Variants in HADHB observed in about 807,000 individuals in gnomAD.
The protein encoded by HADHB is hydroxyacyl-CoA dehydrogenase trifunctional multienzyme complex subunit beta.
A neutral mutation model predicts 61.9 loss-of-function variants in HADHB; 50 were observed. The observed-to-expected ratio is 0.81, with a 90% CI of 0.64 to 1.02. The LOEUF (loss-of-function observed/expected upper bound fraction) is 1.02. Among genes scored for constraint, HADHB ranks in the 50% least tolerant of loss-of-function variants. HADHB has a pLI of 0.00. For synonymous variants in HADHB, 191 were observed against 201.6 expected (o/e 0.95, Z 0.45); for missense variants, 504 against 586.5 (o/e 0.86, Z 1.45).
At chr2:26,268,192 A>G (rs765978122) in intron 4 of HADHB, among the ~76,000 whole-genome samples, 1 of 150,708 alleles carries the variant, frequency 6.6e-6, no homozygotes, top group Non-Finnish European at 1.5e-5. Flanking sequence ...AGAATACCAC[A>G]TAATACTTGC....
At chr2:26,269,861 T>C in intron 4 of HADHB, 92 bp from the exon 5 acceptor site, 1 of 827,090 alleles carries the variant, frequency 1.2e-6, no homozygotes, top group South Asian at 1.3e-5. Context: ...TAGCAGCATG[T>C]GTTTGATGAT....
At chr2:26,283,763 G>T (rs971305488) in intron 12 of HADHB, among the ~76,000 whole-genome samples, 1 of 152,176 alleles carries the variant, frequency 6.6e-6, no homozygotes, top group Non-Finnish European at 1.5e-5. Context: ...ACTCTGTTCC[G>T]TTCCCTCACA....
At chr2:26,245,486 A>G (rs966993214) in intron 1 of HADHB, 7 of 150,792 alleles carry the variant, frequency 4.6e-5, no homozygotes, top group South Asian at 2.1e-4. Flanking sequence ...AACGGAGACA[A>G]TCCTCCATCC....
chr2:26,267,569 C>T (rs1052702761), intron 4 of HADHB, among the ~76,000 whole-genome samples: 3 of 151,946 alleles, frequency 2.0e-5, no homozygotes, highest in South Asian at 2.1e-4. Flanking sequence ...GTCAGGAGTT[C>T]GAGACCAGCC....
rs192854755 is a variant in HADHB at position 26,285,575 on chromosome 2, C to G, written c.1389+4C>G. Reference sequence around the variant, plus strand: ...TGCGTGTGCAGCTGGAGGGCAGGTACGTTACAGTGGTGTCATAGGACCCTC... The same window carrying G: ...TGCGTGTGCAGCTGGAGGGCAGGTAGGTTACAGTGGTGTCATAGGACCCTC... On this transcript the variant is annotated splice_donor_region_variant and intron_variant, in intron 15 of 15. Coordinates refer to ENST00000317799, the MANE Select transcript of HADHB (RefSeq NM_000183.3). The G allele has an allele frequency of 1.9e-6, 3 of 1,609,892 alleles. No individual in the cohort carries two copies. The highest frequency in any genetic ancestry group is 1.7e-4 in the Middle Eastern group (1 of 6,054).
chr2:26,284,545 C>T (rs1672941319), intron 13 of HADHB, among the ~76,000 whole-genome samples: 1 of 151,676 alleles, frequency 6.6e-6, no homozygotes, highest in Non-Finnish European at 1.5e-5. Flanking sequence ...TCACTGCAAC[C>T]TCCGCCTTCC....
rs1176365533 is a variant in HADHB at position 26,284,937 on chromosome 2, T to C, written c.1204T>C (p.Tyr402His). ...GGATTCTGATTGGTTTGCAGAAAAC[T>C]ACATGGGTAGAAAAACCAAGGTGAG... ...AMDSDWFAEN[Y>H]MGRKTKVGLP... Residue 402 changes from tyrosine to histidine, a missense_variant, in exon 14 of 16, where the codon TAC becomes CAC. Coordinates refer to ENST00000317799, the MANE Select transcript of HADHB (RefSeq NM_000183.3). 6.3e-7 allele frequency: 1 copy of C among 1,584,650 alleles called. No individual in the cohort carries two copies. Among genetic ancestry groups the C allele is most frequent in the Non-Finnish European group, 8.7e-7 (1 of 1,153,054 alleles).
Position 26,244,983 on chromosome 2 carries a change from C to T in HADHB, c.-16C>T. 3.7e-6 allele frequency: 1 copy of T among 270,302 alleles called. No homozygotes were observed. Among genetic ancestry groups the T allele is most frequent in the South Asian group, 4.1e-5 (1 of 24,624 alleles). 16.7% of individuals were successfully genotyped at this position (270,302 alleles called of 1,614,324 possible). A position where few individuals can be genotyped will look rare whatever the true frequency, so the allele number is the denominator to read the frequency against. On this transcript the variant is annotated 5_prime_UTR_variant, in exon 1 of 16. Coordinates refer to ENST00000317799, the MANE Select transcript of HADHB (RefSeq NM_000183.3). ...TCCGAGAGGGAGTCCTCGCGGACGT[C>T]AGCCAAGGTGAGACGGCGAGCCCTC...
rs375672344 is a variant in HADHB at position 26,268,874 on chromosome 2, C to T, written c.210-1079C>T. On this transcript the variant is annotated intron_variant, in intron 4 of 15. Coordinates refer to ENST00000317799, the MANE Select transcript of HADHB (RefSeq NM_000183.3). The stretch of plus-strand genomic sequence containing the variant: ...AGAAAAAGCAGGGGAAGGCTGGGCG[C>T]GGTGACTCACGTCTGTAATCCCAGC... Among the ~76,000 whole-genome samples, 72 of 152,168 alleles carry T rather than the reference C, an allele frequency of 4.7e-4. 3 individuals carry two copies. In the South Asian group the frequency reaches 9.3e-3, roughly 20 times the overall value.
At chr2:26,259,060 G>T (rs922218378) in intron 3 of HADHB, among the ~76,000 whole-genome samples, 2 of 152,170 alleles carry the variant, frequency 1.3e-5, no homozygotes, top group Non-Finnish European at 2.9e-5. Context: ...CATGTCCCAT[G>T]ATGAAACCCT....
At chr2:26,274,856 C>T (rs1384310617) in intron 6 of HADHB, among the ~76,000 whole-genome samples, 2 of 151,910 alleles carry the variant, frequency 1.3e-5, no homozygotes, top group Non-Finnish European at 2.9e-5. Flanking sequence ...TCCTTTCTTC[C>T]TTCTCCTCCT....
At chr2:26,284,463 CTT>C (rs370346760) in intron 13 of HADHB, among the ~76,000 whole-genome samples, 47 of 136,760 alleles carry the variant, frequency 3.4e-4, no homozygotes, top group Admixed American at 3.7e-4. Context: ...TTCAACTTTA[CTT>C]TTTTTTTTTT....
intron 1 of HADHB, among the ~76,000 whole-genome samples, chr2:26,246,579 G>A (rs1037166478): frequency 2.6e-5 from 4 of 152,052 alleles, no homozygotes; most frequent in African/African-American, 7.2e-5. Flanking sequence ...GACCTTAGGT[G>A]ATTCGCCCAC....
rs1574639396 is a variant in HADHB at position 26,251,286 on chromosome 2, G to A, written c.-8-2961G>A. Among the ~76,000 whole-genome samples, 4 of 151,626 alleles carry A rather than the reference G, an allele frequency of 2.6e-5. No homozygotes were observed. The South Asian group carries it at 6.3e-4, about 24-fold the overall frequency. On this transcript the variant is annotated intron_variant, in intron 1 of 15. Coordinates refer to ENST00000317799, the MANE Select transcript of HADHB (RefSeq NM_000183.3). Reference sequence around the variant, plus strand: ...CACTGCAGCCTCGAACTCCTGGCTCGGGTGCTCCTCCCACCTCAGCCTCTT... The same window carrying A: ...CACTGCAGCCTCGAACTCCTGGCTCAGGTGCTCCTCCCACCTCAGCCTCTT...
intron 1 of HADHB, among the ~76,000 whole-genome samples, chr2:26,249,783 A>G (rs1485638677): frequency 4.6e-5 from 7 of 152,088 alleles, no homozygotes; most frequent in Admixed American, 4.6e-4. Flanking sequence ...GAAACCATCC[A>G]CAAATCAATA....
intron 4 of HADHB, among the ~76,000 whole-genome samples, chr2:26,268,929 C>T (rs544806843): frequency 6.6e-6 from 1 of 152,008 alleles, no homozygotes; most frequent in African/African-American, 2.4e-5. Context: ...GGCAAATCAC[C>T]TGAGGTCAGG....
At chr2:26,254,130 A>G in intron 1 of HADHB, 117 bp from the exon 2 acceptor site, 1 of 706,054 alleles carries the variant, frequency 1.4e-6, no homozygotes, top group South Asian at 1.6e-5. Context: ...AGTTGATAAG[A>G]TTAAGTTTTA....
intron 5 of HADHB, among the ~76,000 whole-genome samples, chr2:26,270,966 C>T (rs1421719966): frequency 6.6e-6 from 1 of 150,888 alleles, no homozygotes; most frequent in Non-Finnish European, 1.5e-5. Context: ...GCAAGCTCTG[C>T]CTGCCGGGTT....
At chr2:26,289,894 A>G (rs756492005) in intron 15 of HADHB, 24 bp from the exon 16 acceptor site, 26 of 1,559,952 alleles carry the variant, frequency 1.7e-5, no homozygotes, top group Non-Finnish European at 2.3e-5. Flanking sequence ...TCATTGCTCT[A>G]ATTGGACTTT....
Sources: gnomAD v4.1 joint callset for allele counts (sites outside exome capture counted in the v4.1 genomes callset) on GRCh38, gnomAD v4.1.1 for gene constraint, MANE v1.5 for transcripts, NCBI Gene and HGNC (gene_info 2026-07-23, HGNC 2026-07-21) for gene names.